Variants in TMPRSS15 observed in about 807,000 individuals in gnomAD.
TMPRSS15 encodes the protein transmembrane serine protease 15.
A neutral mutation model predicts 125.3 loss-of-function variants in TMPRSS15; 128 were observed. That is an observed-to-expected ratio of 1.02 (90% CI 0.89 to 1.18). TMPRSS15 has a LOEUF of 1.18. TMPRSS15 is among the 50% of genes most tolerant of loss of function. The pLI is 0.00. For synonymous variants in TMPRSS15, 446 were observed against 423.2 expected (o/e 1.05, Z -0.66); for missense variants, 1,283 against 1,212.7 (o/e 1.06, Z -0.86).
chr21:18,433,252 G>A lies in TMPRSS15; in HGVS notation c.11-34923C>T, dbSNP rs138989483. On this transcript the variant is annotated intron_variant, in intron 1 of 7. Coordinates refer to the TMPRSS15 transcript ENST00000422787. The stretch of plus-strand genomic sequence containing the variant: ...GATGGAAAAGAATGGCCTAATCCAC[G>A]CTGACTGATGAGAATAACTCAGGAA... 3.6e-3 allele frequency among the ~76,000 whole-genome samples: 550 copies of A among 152,188 alleles called. 2 individuals are homozygous for A. Among genetic ancestry groups the A allele is most frequent in the African/African-American group, 0.013 (528 of 41,540 alleles).
chr21:18,344,156 A>G, intron 10 of TMPRSS15, 96 bp from the exon 11 acceptor site: 1 of 1,001,434 alleles, frequency 1.0e-6, no homozygotes, highest in Non-Finnish European at 1.6e-6. Flanking sequence ...AACTTTAAGA[A>G]GAAAGGTTAA....
At chr21:18,305,078 C>T (rs117312198) in intron 18 of TMPRSS15, among the ~76,000 whole-genome samples, 1 of 151,814 alleles carries the variant, frequency 6.6e-6, no homozygotes, top group African/African-American at 2.4e-5. Flanking sequence ...CTAGAATGCA[C>T]CTGAATTACC....
chr21:18,328,193 G>GCACACTCTA (rs2075311657), intron 15 of TMPRSS15, among the ~76,000 whole-genome samples: 1 of 151,748 alleles, frequency 6.6e-6, no homozygotes, highest in African/African-American at 2.4e-5. Context: ...AGTACACTCT[G>GCACACTCTA]TAATAGCACA....
intron 1 of TMPRSS15, among the ~76,000 whole-genome samples, chr21:18,430,365 T>C (rs756887382): frequency 1.3e-5 from 2 of 152,204 alleles, no homozygotes; most frequent in Non-Finnish European, 2.9e-5. Context: ...TTGCCTTGGG[T>C]AATTTTATGT....
intron 22 of TMPRSS15, among the ~76,000 whole-genome samples, chr21:18,279,361 G>T (rs1407942007): frequency 2.5e-5 from 3 of 119,110 alleles, no homozygotes; most frequent in South Asian, 2.9e-4. Context: ...AGTCTCACTC[G>T]GTCGCCCAGG....
chr21:18,438,634 C>T (rs1347122143), intron 1 of TMPRSS15, among the ~76,000 whole-genome samples: 2 of 151,962 alleles, frequency 1.3e-5, no homozygotes, highest in Non-Finnish European at 2.9e-5. Context: ...TCACAAATAC[C>T]GTCTCATCAT....
chr21:18,277,276 A>G (rs982208659), intron 23 of TMPRSS15, among the ~76,000 whole-genome samples: 1 of 152,288 alleles, frequency 6.6e-6, no homozygotes. Flanking sequence ...TTTAGTAACA[A>G]TAAGTAAACG....
At chr21:18,361,165 T>C (rs2075676727) in intron 7 of TMPRSS15, among the ~76,000 whole-genome samples, 1 of 152,116 alleles carries the variant, frequency 6.6e-6, no homozygotes, top group Non-Finnish European at 1.5e-5. Context: ...ATTTAAACTA[T>C]TTTCATTTTC....
Position 18,353,845 on chromosome 21 carries a change from T to A in TMPRSS15, c.899A>T (p.Asn300Ile). 6.2e-7 allele frequency: 1 copy of A among 1,611,374 alleles called. No individual in the cohort carries two copies. ...KILRASIWETNPGTIRIFSNQ... is the reference protein window; with the variant it reads ...KILRASIWETIPGTIRIFSNQ... ...GGAAAAAATTCTTATTGTGCCAGGA[T>A]TAGTTTCCCAAATAGAAGCTACAAA... Residue 300 changes from asparagine to isoleucine, a missense_variant, in exon 9 of 25, where the codon AAT becomes ATT. Coordinates refer to ENST00000284885, the MANE Select transcript of TMPRSS15 (RefSeq NM_002772.3).
intron 18 of TMPRSS15, among the ~76,000 whole-genome samples, chr21:18,303,484 A>G (rs909926990): frequency 9.2e-5 from 14 of 152,166 alleles, no homozygotes; most frequent in African/African-American, 3.4e-4. Flanking sequence ...TATAGCGTTA[A>G]TTACAAGTTG....
chr21:18,403,738 C>T lies in TMPRSS15; in HGVS notation c.-116G>A. ...GATGTGTAAAGCAACAACCACCTGTCTACATGCATACCAGTCAGTGTAAGT... is the reference window on the plus strand; with the variant it reads ...GATGTGTAAAGCAACAACCACCTGTTTACATGCATACCAGTCAGTGTAAGT... On this transcript the variant is annotated 5_prime_UTR_variant, in exon 1 of 25. An upstream open reading frame in the 5' UTR loses its in-frame stop. Transcript: ENST00000284885. The T allele has an allele frequency of 7.8e-7, 1 of 1,276,378 alleles. No homozygotes were observed. Among genetic ancestry groups the T allele is most frequent in the Non-Finnish European group, 1.1e-6 (1 of 898,280 alleles). The allele number at this position is 1,276,378 out of a possible 1,614,324, so 79.1% of individuals were successfully genotyped here.
intron 1 of TMPRSS15, among the ~76,000 whole-genome samples, chr21:18,425,791 T>C (rs900346306): frequency 6.6e-6 from 1 of 152,098 alleles, no homozygotes; most frequent in African/African-American, 2.4e-5. Flanking sequence ...CTCTACACAT[T>C]TTTCATGGAT....
chr21:18,370,248 TG>T (rs2075779290), intron 6 of TMPRSS15, among the ~76,000 whole-genome samples: 1 of 152,138 alleles, frequency 6.6e-6, no homozygotes, highest in African/African-American at 2.4e-5. Flanking sequence ...CACACTTACA[TG>T]ATATTCCTAT....
Position 18,321,349 on chromosome 21 carries a change from CTTTTTTTTTTT to C in TMPRSS15, c.1921+5072_1921+5082del, listed in dbSNP as rs751011766. Among the ~76,000 whole-genome samples, 262 of 100,588 alleles carry C rather than the reference CTTTTTTTTTTT, an allele frequency of 2.6e-3. 1 individual carries two copies. The highest frequency in any genetic ancestry group is 0.01 in the African/African-American group (247 of 24,672). The allele number at this position is 100,588 out of a possible 152,430, so 66.0% of individuals were successfully genotyped here. A position where few individuals can be genotyped will look rare whatever the true frequency, so the allele number is the denominator to read the frequency against. ...TGAAGCAAAAACGATTTTTTTCCTT[CTTTTTTTTTTT>C]TTTTTTTTTTGAGACGGAGTCTCAC... On this transcript the variant is annotated intron_variant, in intron 16 of 24. Transcript: ENST00000284885.
chr21:18,451,930 T>C (rs1046422601), intron 1 of TMPRSS15, among the ~76,000 whole-genome samples: 8 of 152,214 alleles, frequency 5.3e-5, no homozygotes, highest in African/African-American at 9.6e-5. Flanking sequence ...TAATTTTATG[T>C]ATGCAAATGC....
chr21:18,401,260 C>G lies in TMPRSS15; in HGVS notation c.145+2218G>C, dbSNP rs552579794. 4.4e-4 allele frequency among the ~76,000 whole-genome samples: 67 copies of G among 152,266 alleles called. 1 individual carries two copies. Among genetic ancestry groups the G allele is most frequent in the Admixed American group, 2.0e-4 (3 of 15,294 alleles). On this transcript the variant is annotated intron_variant, in intron 1 of 24. Transcript: ENST00000284885. ...ATCAAAAAGAAAATAAGTCATTCTA[C>G]CAAACAGACACACGCACTCACATGT...
intron 1 of TMPRSS15, among the ~76,000 whole-genome samples, chr21:18,474,834 G>A (rs1333822279): frequency 6.6e-6 from 1 of 152,130 alleles, no homozygotes; most frequent in East Asian, 1.9e-4. Context: ...ACACAAACCT[G>A]TCTTAATTTT....
intron 17 of TMPRSS15, among the ~76,000 whole-genome samples, chr21:18,313,454 T>C (rs1275100165): frequency 6.6e-6 from 1 of 150,870 alleles, no homozygotes; most frequent in African/African-American, 2.4e-5. Context: ...TAACATCACA[T>C]TGTAACCCAT....
intron 15 of TMPRSS15, among the ~76,000 whole-genome samples, chr21:18,327,595 C>T (rs899583414): frequency 6.6e-6 from 1 of 152,060 alleles, no homozygotes; most frequent in African/African-American, 2.4e-5. Flanking sequence ...TTGATGTGCT[C>T]TAGAAAATTT....
Sources: allele counts gnomAD v4.1 joint callset (sites outside exome capture counted in the v4.1 genomes callset), GRCh38; gene constraint gnomAD v4.1.1; transcripts MANE v1.5; gene names NCBI Gene and HGNC (gene_info 2026-07-23, HGNC 2026-07-21).